Variants in VTI1A observed in about 807,000 individuals in gnomAD.
VTI1A encodes vesicle transport through interaction with t-SNAREs homolog 1A.
A neutral mutation model predicts 34.9 loss-of-function variants in VTI1A; 22 were observed. That is an observed-to-expected ratio of 0.63 (90% CI 0.45 to 0.90). The LOEUF (loss-of-function observed/expected upper bound fraction) is 0.90, where lower values mean the gene tolerates loss of function less well. Ranked by LOEUF, VTI1A falls within the 40% of genes least tolerant of loss-of-function variation. The pLI, the probability that VTI1A is intolerant of heterozygous loss-of-function variation, is 0.00. For synonymous variants in VTI1A, 87 were observed against 97.3 expected (o/e 0.89, Z 0.62); for missense variants, 268 against 275.6 (o/e 0.97, Z 0.20).
At chr10:112,658,366 C>G (rs764146459) in intron 5 of VTI1A, among the ~76,000 whole-genome samples, 10 of 152,154 alleles carry the variant, frequency 6.6e-5, no homozygotes, top group Non-Finnish European at 1.3e-4. Flanking sequence ...GTATTACAAG[C>G]ATGAGCTACC....
chr10:112,508,202 G>A (rs983368485), intron 3 of VTI1A, among the ~76,000 whole-genome samples: 3 of 152,154 alleles, frequency 2.0e-5, no homozygotes, highest in Admixed American at 2.0e-4. Flanking sequence ...CTGTTCTCAC[G>A]TTTGTTGTTT....
the VTI1A span, among the ~76,000 whole-genome samples, chr10:112,828,224 G>A: frequency 6.6e-6 from 1 of 152,082 alleles, no homozygotes; most frequent in Non-Finnish European, 1.5e-5. Context: ...AGGGTTTTTT[G>A]TGTATGTGCA....
intron 5 of VTI1A, among the ~76,000 whole-genome samples, chr10:112,552,423 T>C (rs1234605435): frequency 1.3e-5 from 2 of 151,910 alleles, no homozygotes; most frequent in African/African-American, 4.8e-5. Flanking sequence ...ACCTGTTCAT[T>C]TGAAACCAAC....
chr10:112,807,515 T>A (rs980278226), intron 7 of VTI1A, among the ~76,000 whole-genome samples: 5 of 152,118 alleles, frequency 3.3e-5, no homozygotes, highest in Non-Finnish European at 2.9e-5. Context: ...ACACCAGTCA[T>A]CGGATTTAGG....
intron 5 of VTI1A, among the ~76,000 whole-genome samples, chr10:112,625,146 T>A (rs1438414733): frequency 6.6e-6 from 1 of 152,200 alleles, no homozygotes; most frequent in Non-Finnish European, 1.5e-5. Context: ...TGAATACATA[T>A]GTTTAACTTG....
intron 7 of VTI1A, among the ~76,000 whole-genome samples, chr10:112,730,862 G>T (rs900194181): frequency 1.3e-5 from 2 of 152,260 alleles, no homozygotes; most frequent in South Asian, 4.2e-4. Flanking sequence ...GATGGGATTT[G>T]CTGTGAGATA....
chr10:112,720,792 A>G (rs542922508), intron 7 of VTI1A, among the ~76,000 whole-genome samples: 1 of 152,314 alleles, frequency 6.6e-6, no homozygotes, highest in South Asian at 2.1e-4. Flanking sequence ...AGCTTGTCTA[A>G]TTAACTCATT....
At chr10:112,763,438 C>CAAAA (rs397714967) in intron 7 of VTI1A, among the ~76,000 whole-genome samples, 1 of 108,990 alleles carries the variant, frequency 9.2e-6, no homozygotes, top group African/African-American at 3.4e-5. Context: ...GACACCATCT[C>CAAAA]AAAAAAAAAA....
At chr10:112,625,454 C>A (rs1459909900) in intron 5 of VTI1A, among the ~76,000 whole-genome samples, 1 of 152,018 alleles carries the variant, frequency 6.6e-6, no homozygotes, top group Non-Finnish European at 1.5e-5. Flanking sequence ...GCCTGGCCAA[C>A]ATGGTGAAAC....
intron 3 of VTI1A, among the ~76,000 whole-genome samples, chr10:112,520,639 G>GTATATA (rs1485151139): frequency 1.1e-3 from 140 of 128,206 alleles, no homozygotes; most frequent in African/African-American, 3.7e-3. Context: ...GTGTGTGTGT[G>GTATATA]TGTGTGTGTA....
chr10:112,561,821 A>G (rs1484221028), intron 5 of VTI1A, among the ~76,000 whole-genome samples: 1 of 152,148 alleles, frequency 6.6e-6, no homozygotes. Flanking sequence ...TATATGGAAG[A>G]ATATTGCAAA....
intron 5 of VTI1A, among the ~76,000 whole-genome samples, chr10:112,539,387 A>G (rs556692445): frequency 6.6e-6 from 1 of 152,316 alleles, no homozygotes; most frequent in East Asian, 1.9e-4. Context: ...ATTCTAGGCA[A>G]CCAAACAGGA....
chr10:112,704,370 A>T (rs1849120025), intron 7 of VTI1A, among the ~76,000 whole-genome samples: 1 of 151,868 alleles, frequency 6.6e-6, no homozygotes, highest in Non-Finnish European at 1.5e-5. Context: ...AAATTCTTAG[A>T]TAACAATTAT....
At chr10:112,849,107 A>T in the VTI1A span, among the ~76,000 whole-genome samples, 1 of 152,340 alleles carries the variant, frequency 6.6e-6, no homozygotes, top group East Asian at 1.9e-4. Flanking sequence ...CTTAGAAGGC[A>T]CAAGTGCTGG....
chr10:112,788,591 C>G (rs1407492676), intron 7 of VTI1A, among the ~76,000 whole-genome samples: 1 of 152,136 alleles, frequency 6.6e-6, no homozygotes, highest in African/African-American at 2.4e-5. Context: ...GTCTAACAAT[C>G]TCTGCTGTTT....
chr10:112,575,291 G>A (rs1852288491), intron 5 of VTI1A, among the ~76,000 whole-genome samples: 1 of 152,178 alleles, frequency 6.6e-6, no homozygotes, highest in South Asian at 2.1e-4. Context: ...TGAAAGTTAG[G>A]TTGTGTTCCT....
intron 1 of VTI1A, among the ~76,000 whole-genome samples, chr10:112,454,589 G>A (rs111404249): frequency 1.3e-5 from 2 of 151,980 alleles, no homozygotes; most frequent in East Asian, 1.9e-4. Context: ...GTGACAGAGC[G>A]AGATCTTGTC....
downstream of VTI1A, among the ~76,000 whole-genome samples, chr10:112,820,820 G>A (rs952659215): frequency 7.9e-5 from 12 of 152,214 alleles, no homozygotes; most frequent in African/African-American, 2.7e-4. Flanking sequence ...CAAGATGGCA[G>A]GATGGGGCAC....
intron 3 of VTI1A, among the ~76,000 whole-genome samples, chr10:112,473,921 A>G (rs1368715783): frequency 2.0e-5 from 3 of 152,216 alleles, no homozygotes; most frequent in Non-Finnish European, 4.4e-5. Context: ...ATACTCTTCC[A>G]TGGAAGATAC....
Sources: allele counts gnomAD v4.1 joint callset (sites outside exome capture counted in the v4.1 genomes callset), GRCh38; gene constraint gnomAD v4.1.1; transcripts MANE v1.5; gene names NCBI Gene and HGNC (gene_info 2026-07-23, HGNC 2026-07-21).